MAGED1: variants seen among roughly 807,000 people sequenced by gnomAD.
MAGED1 encodes MAGE family member D1.
In MAGED1, 3 loss-of-function variants were observed where a neutral mutation model predicts 54.1. The observed-to-expected ratio is 0.06, with a 90% CI of 0.03 to 0.14. The LOEUF (loss-of-function observed/expected upper bound fraction) is 0.14. Ranked by LOEUF, MAGED1 falls within the 10% of genes least tolerant of loss-of-function variation. The pLI is 1.00. For missense variants in MAGED1, 485 were observed against 623.4 expected (o/e 0.78, Z 2.36); for synonymous variants, 217 against 227.3 (o/e 0.95, Z 0.41).
chrX:51,836,419 G>A (rs1320763338), intron 1 of MAGED1, among the ~76,000 whole-genome samples: 1 of 111,108 alleles, frequency 9.0e-6, no homozygotes, highest in South Asian at 3.9e-4. Flanking sequence ...CCAGGGTGGT[G>A]CTCAGTCTAC....
intron 1 of MAGED1, among the ~76,000 whole-genome samples, chrX:51,839,386 A>G (rs148234161): frequency 0.012 from 1,339 of 111,920 alleles, 23 homozygotes; most frequent in African/African-American, 0.04. Context: ...TCCTATGTGT[A>G]CAGAAATGGA....
At chrX:51,868,733 G>A (rs1246538338) in intron 1 of MAGED1, among the ~76,000 whole-genome samples, 1 of 111,378 alleles carries the variant, frequency 9.0e-6, no homozygotes, top group Non-Finnish European at 1.9e-5. Context: ...ATGTGGATGG[G>A]ACATGTTGAT....
Position 51,895,369 on chromosome X carries a change from G to A in MAGED1, c.362G>A (p.Gly121Asp), listed in dbSNP as rs782015606. Residue 121 changes from glycine (G) to aspartate (D), a missense_variant, in exon 3 of 13, where the codon GGT becomes GAT. Physicochemically the swap from Gly to Asp is moderately conservative, Grantham distance 94 (BLOSUM62 -1). Around this residue, in one of 2 missense-constraint regions of MAGED1, gnomAD observed 299 missense variants for 293.1 expected, o/e 1.02. Coordinates refer to ENST00000326587, the MANE Select transcript of MAGED1 (RefSeq NM_006986.4). ...AAGTCCCAAAATGCTACCCCAAAGG[G>A]TCCAAATGCTGCCTATGATTTTTCC... ...AFKSQNATPK[G>D]PNAAYDFSQA... 1.9e-5 allele frequency: 23 copies of A among 1,208,035 alleles called. 1 individual carries two copies. In the South Asian group the frequency reaches 3.6e-4, roughly 19 times the overall value.
chrX:51,898,744 T>A lies in MAGED1; in HGVS notation c.1844+101T>A, dbSNP rs782476699. On this transcript the variant is annotated intron_variant, in intron 10 of 12. Coordinates refer to ENST00000326587, the MANE Select transcript of MAGED1 (RefSeq NM_006986.4). ...CTGGCTGGATACAATGGCTCATGCC[T>A]GTAATCCCAGTACTTTGGGAGGCTC... 3.7e-5 allele frequency: 29 copies of A among 786,117 alleles called. No individual in the cohort carries two copies. The South Asian group carries it at 7.3e-4, about 20-fold the overall frequency. The allele number at this position is 786,117 out of a possible 1,213,427, so 64.8% of individuals were successfully genotyped here. A position where few individuals can be genotyped will look rare whatever the true frequency, so the allele number is the denominator to read the frequency against.
At chrX:51,816,233 C>A (rs953728018) in intron 1 of MAGED1, among the ~76,000 whole-genome samples, 2 of 110,071 alleles carry the variant, frequency 1.8e-5, no homozygotes, top group Admixed American at 9.6e-5. Flanking sequence ...TCCTGCCTCG[C>A]CCTCCCGAGT....
At chrX:51,839,063 TA>T (rs1158434254) in intron 1 of MAGED1, among the ~76,000 whole-genome samples, 4 of 111,547 alleles carry the variant, frequency 3.6e-5, no homozygotes, top group African/African-American at 1.3e-4. Context: ...ATTTTAAAAT[TA>T]AAAAAATCAA....
upstream of MAGED1, among the ~76,000 whole-genome samples, chrX:51,892,450 C>G (rs1928479278): frequency 8.9e-6 from 1 of 112,240 alleles, no homozygotes; most frequent in African/African-American, 3.2e-5. Flanking sequence ...GGCTCAGACA[C>G]ACAGGTCTGA....
intron 1 of MAGED1, among the ~76,000 whole-genome samples, chrX:51,811,081 T>C (rs1388335091): frequency 1.8e-5 from 2 of 112,191 alleles, no homozygotes; most frequent in Non-Finnish European, 3.8e-5. Flanking sequence ...TGTTAAAGCA[T>C]AGTTACAGTT....
intron 1 of MAGED1, among the ~76,000 whole-genome samples, chrX:51,807,994 A>G (rs1435164877): frequency 1.8e-5 from 2 of 111,994 alleles, no homozygotes; most frequent in African/African-American, 6.5e-5. Context: ...TAGGGAGCAG[A>G]TATCATGGCA....
At chrX:51,890,880 C>T (rs1190276185), upstream of MAGED1, among the ~76,000 whole-genome samples, 2 of 105,944 alleles carry the variant, frequency 1.9e-5, no homozygotes, top group Admixed American at 2.0e-4. Context: ...GTCAGTCTTA[C>T]TCCTGGGCTT....
intron 1 of MAGED1, among the ~76,000 whole-genome samples, chrX:51,815,431 G>A (rs1374464594): frequency 3.6e-5 from 4 of 110,560 alleles, no homozygotes; most frequent in Non-Finnish European, 5.7e-5. Context: ...GTGTATCTTA[G>A]TTTTTAAGAA....
intron 1 of MAGED1, among the ~76,000 whole-genome samples, chrX:51,844,161 C>G (rs1037013242): frequency 5.4e-5 from 6 of 111,717 alleles, no homozygotes; most frequent in Non-Finnish European, 1.1e-4. Context: ...CCCTCTGCCC[C>G]TTTCCAGGTT....
chrX:51,863,548 C>G (rs1927356739), intron 1 of MAGED1, among the ~76,000 whole-genome samples: 1 of 111,808 alleles, frequency 8.9e-6, no homozygotes, highest in Admixed American at 9.5e-5. Context: ...GGGGGGGAAC[C>G]TCCATACTGT....
chrX:51,859,847 CA>C (rs1449312274), intron 1 of MAGED1, among the ~76,000 whole-genome samples: 2 of 111,180 alleles, frequency 1.8e-5, no homozygotes, highest in Admixed American at 1.9e-4. Flanking sequence ...GAGCCATGAA[CA>C]AAGAACTGCC....
chrX:51,897,228 C>T lies in MAGED1; in HGVS notation c.1443C>T (p.Tyr481=). The part of the protein sequence containing the change: ...LQERANKLVK[Y]LMLKDYTKVP... ...CCCAGGCAAATAAGTTGGTCAAGTA[C>T]TTGATGCTTAAGGACTACACAAAGG... is the stretch of plus-strand genomic sequence containing the variant. The change falls in exon 5 of 13, where the codon TAC becomes TAT. Residue 481 remains tyrosine, a synonymous_variant. Transcript: ENST00000326587. The T allele has an allele frequency of 1.7e-6, 2 of 1,210,897 alleles. No individual in the cohort carries two copies. Among genetic ancestry groups the T allele is most frequent in the Non-Finnish European group, 2.2e-6 (2 of 895,249 alleles).
At chrX:51,869,406 T>A (rs1031594812) in intron 1 of MAGED1, among the ~76,000 whole-genome samples, 3 of 111,535 alleles carry the variant, frequency 2.7e-5, no homozygotes, top group African/African-American at 9.8e-5. Context: ...TACATGTTAG[T>A]GGGCATATTA....
chrX:51,859,580 G>A (rs1011913558), intron 1 of MAGED1, among the ~76,000 whole-genome samples: 1 of 111,968 alleles, frequency 8.9e-6, no homozygotes, highest in South Asian at 3.7e-4. Context: ...CCCCAAAACT[G>A]TCTGCATTTT....
intron 1 of MAGED1, among the ~76,000 whole-genome samples, chrX:51,875,499 C>G (rs188802139): frequency 5.4e-5 from 6 of 111,801 alleles, no homozygotes; most frequent in Non-Finnish European, 1.1e-4. Context: ...GCCTAATGTT[C>G]AGTGTCTTCA....
In MAGED1 at chrX:51,897,636, C is replaced by T; in HGVS notation, c.1566+10C>T. 8.4e-7 allele frequency: 1 copy of T among 1,192,676 alleles called. No homozygotes were observed. Among genetic ancestry groups the T allele is most frequent in the Non-Finnish European group, 1.1e-6 (1 of 878,781 alleles). ...CTTTGTCCTAGAGAAGGTGAGAAGG[C>T]AGCCCTGGGGTACAGGAATAATGGG... On this transcript the variant is annotated intron_variant, in intron 6 of 12. Coordinates refer to ENST00000326587, the MANE Select transcript of MAGED1 (RefSeq NM_006986.4).
Sources: gnomAD v4.1 joint callset for allele counts (sites outside exome capture counted in the v4.1 genomes callset) on GRCh38, gnomAD v4.1.1 for gene constraint, gnomAD v4.1.1 regional missense constraint, MANE v1.5 for transcripts, NCBI Gene and HGNC (gene_info 2026-07-23, HGNC 2026-07-21) for gene names.